The following SMC2 variants were observed in gnomAD, a reference collection of about 807,000 sequenced individuals.
SMC2 encodes structural maintenance of chromosomes 2.
In SMC2, 41 loss-of-function variants were observed where a neutral mutation model predicts 142.6. The ratio of observed to expected loss-of-function variants is 0.29; its 90% CI spans 0.22 to 0.37. The LOEUF (loss-of-function observed/expected upper bound fraction) is 0.37. SMC2 is among the 10% of genes least tolerant of loss of function. SMC2 has a pLI of 1.00. For missense variants in SMC2, 1,265 were observed against 1,373.7 expected (o/e 0.92, Z 1.25); for synonymous variants, 463 against 457.5 (o/e 1.01, Z -0.15).
At chr9:104,124,416 G>A (rs1834047585) in intron 17 of SMC2, among the ~76,000 whole-genome samples, 2 of 152,034 alleles carry the variant, frequency 1.3e-5, no homozygotes, top group African/African-American at 4.8e-5. Context: ...ATTTGGGGAT[G>A]TTTTTCCTTT....
At chr9:104,126,914 C>A in intron 19 of SMC2, 130 bp downstream of exon 19, 1 of 926,048 alleles carries the variant, frequency 1.1e-6, no homozygotes, top group Non-Finnish European at 1.6e-6. Context: ...GCACAAATAG[C>A]TTTTACTCAT....
Position 104,111,609 on chromosome 9 carries a change from A to G in SMC2, c.1049A>G (p.Lys350Arg). 1.9e-6 allele frequency: 3 copies of G among 1,613,612 alleles called. No individual in the cohort carries two copies. Among genetic ancestry groups the G allele is most frequent in the Non-Finnish European group, 2.5e-6 (3 of 1,179,790 alleles). ...EDSKTLAAKE[K>R]EVKKITDGLH... ...TCAAAAACTTTAGCAGCAAAGGAAA[A>G]AGAGGTTAAAAAGATAACAGATGGA... is the stretch of plus-strand genomic sequence containing the variant. Residue 350 changes from lysine to arginine, a missense_variant, in exon 10 of 25, where the codon AAA becomes AGA. Coordinates refer to ENST00000374793, the MANE Select transcript of SMC2 (RefSeq NM_006444.3).
At chr9:104,131,843 GTA>G (rs1835010066) in intron 21 of SMC2, among the ~76,000 whole-genome samples, 164 bp from the exon 22 acceptor site, 1 of 151,782 alleles carries the variant, frequency 6.6e-6, no homozygotes, top group Non-Finnish European at 1.5e-5. Flanking sequence ...TACAGTATAT[GTA>G]TAGTATATGA....
chr9:104,108,192 G>A (rs1832027887), intron 9 of SMC2, among the ~76,000 whole-genome samples: 1 of 152,096 alleles, frequency 6.6e-6, no homozygotes, highest in Non-Finnish European at 1.5e-5. Context: ...TTTTCCCTAG[G>A]AAAACTGGAA....
At chr9:104,126,949 C>T (rs746698806) in intron 19 of SMC2, among the ~76,000 whole-genome samples, 165 bp downstream of exon 19, 13 of 152,174 alleles carry the variant, frequency 8.5e-5, no homozygotes, top group Non-Finnish European at 1.8e-4. Context: ...TTTGGGATCA[C>T]ATAGGTCAGT....
chr9:104,095,227 T>A (rs951569483), intron 1 of SMC2, 97 bp from the exon 2 acceptor site: 2 of 585,682 alleles, frequency 3.4e-6, no homozygotes, highest in African/African-American at 3.7e-5. Flanking sequence ...AGTGGCTGTT[T>A]TATTTCTATC....
rs1830961996 is a variant in SMC2 at position 104,100,312 on chromosome 9, A to G, written c.592-77A>G. On this transcript the variant is annotated intron_variant, in intron 6 of 24. Transcript: ENST00000374793. ...TTCCTTGGTTCAGTTTTCCATAGTC[A>G]TCCCTGCTACTTCTCTTTCAAATAA... 5.7e-6 allele frequency: 8 copies of G among 1,404,138 alleles called. 1 individual carries two copies. Among genetic ancestry groups the G allele is most frequent in the South Asian group, 2.5e-5 (2 of 81,196 alleles). 87.0% of individuals were successfully genotyped at this position (1,404,138 alleles called of 1,614,324 possible). A position where few individuals can be genotyped will look rare whatever the true frequency, so the allele number is the denominator to read the frequency against.
chr9:104,095,621 C>T lies in SMC2; in HGVS notation c.168+69C>T, dbSNP rs1412606904. Reference sequence around the variant, plus strand: ...GAGAATCCTCACTGAACTTTGGAGACGTCCCGATATTCTCTTCATTTGTGT... The same window carrying T: ...GAGAATCCTCACTGAACTTTGGAGATGTCCCGATATTCTCTTCATTTGTGT... On this transcript the variant is annotated intron_variant, in intron 2 of 24. Coordinates refer to ENST00000374793, the MANE Select transcript of SMC2 (RefSeq NM_006444.3). 4 of 1,240,192 alleles carry T rather than the reference C, an allele frequency of 3.2e-6. No individual in the cohort carries two copies. In the Admixed American group the frequency reaches 5.7e-5, roughly 18 times the overall value. The allele number at this position is 1,240,192 out of a possible 1,614,324, so 76.8% of individuals were successfully genotyped here.
chr9:104,104,584 T>G (rs1831536076), intron 9 of SMC2, among the ~76,000 whole-genome samples: 1 of 152,220 alleles, frequency 6.6e-6, no homozygotes, highest in African/African-American at 2.4e-5. Context: ...ATTGCCTCCC[T>G]TTCTTGGGAT....
At position 104,094,471 on chromosome 9, in the gene SMC2, G is replaced by A; in HGVS notation, c.-68G>A. 1 of 398,014 alleles carries A rather than the reference G, an allele frequency of 2.5e-6. No individual in the cohort carries two copies. Among genetic ancestry groups the A allele is most frequent in the Middle Eastern group, 6.3e-4 (1 of 1,580 alleles). The allele number at this position is 398,014 out of a possible 1,614,324, so 24.7% of individuals were successfully genotyped here. On this transcript the variant is annotated 5_prime_UTR_variant, in exon 1 of 25. Coordinates refer to ENST00000374793, the MANE Select transcript of SMC2 (RefSeq NM_006444.3). ...GGGGTGCGTCAAGCCCCTGGCCTGA[G>A]GCAGCGGTGAGGCGTGTGCGTGAGC...
At chr9:104,134,003 G>GA (rs1835258507) in intron 22 of SMC2, among the ~76,000 whole-genome samples, 1 of 151,702 alleles carries the variant, frequency 6.6e-6, no homozygotes, top group South Asian at 2.1e-4. Flanking sequence ...TCTATTTTGT[G>GA]TTTTTTTTCC....
Position 104,121,785 on chromosome 9 carries a change from G to T in SMC2, c.2133-1323G>T, listed in dbSNP as rs143152327. ...AGAGATATAAATTGAATCAGAATTT[G>T]TCTTTTTCTTTTTTTTTGAGACGGA... On this transcript the variant is annotated intron_variant, in intron 16 of 24. Transcript: ENST00000374793. Among the ~76,000 whole-genome samples the T allele has an allele frequency of 4.6e-5, 7 of 152,096 alleles. No individual in the cohort carries two copies. The East Asian group carries it at 1.4e-3, about 29-fold the overall frequency.
rs990936524 is a variant in SMC2 at position 104,140,287 on chromosome 9, G to T, written c.*972G>T. On this transcript the variant is annotated 3_prime_UTR_variant, in exon 25 of 25. Coordinates refer to ENST00000374793, the MANE Select transcript of SMC2 (RefSeq NM_006444.3). ...AAAGTTGGATGATTATTTGTCTTCC[G>T]CTTTCCAGTTCAAAGGGATGAAATT... 2 of 151,970 alleles carry T rather than the reference G, an allele frequency of 1.3e-5. No homozygotes were observed. Among genetic ancestry groups the T allele is most frequent in the African/African-American group, 4.8e-5 (2 of 41,398 alleles). The allele number at this position is 151,970 out of a possible 1,614,324, so 9.4% of individuals were successfully genotyped here.
At chr9:104,095,814 G>A (rs1162029556) in intron 2 of SMC2, among the ~76,000 whole-genome samples, 1 of 152,188 alleles carries the variant, frequency 6.6e-6, no homozygotes, top group Non-Finnish European at 1.5e-5. Flanking sequence ...TCAACCCTGT[G>A]TAATGATGCC....
chr9:104,134,910 CAG>C (rs576173157), intron 23 of SMC2, among the ~76,000 whole-genome samples: 155 of 152,212 alleles, frequency 1.0e-3, no homozygotes, highest in African/African-American at 3.6e-3. Flanking sequence ...GTTGCCTAAA[CAG>C]AGGTCAGTAG....
At chr9:104,088,858 C>T in the SMC2 span, among the ~76,000 whole-genome samples, 3 of 152,072 alleles carry the variant, frequency 2.0e-5, no homozygotes, top group Non-Finnish European at 2.9e-5. Context: ...GCACATAACA[C>T]AATTCTTGGC....
intron 24 of SMC2, 101 bp downstream of exon 24, chr9:104,138,266 G>A (rs746877966): frequency 1.2e-4 from 115 of 922,626 alleles, no homozygotes; most frequent in Non-Finnish European, 1.7e-4. Context: ...ATTTAGGGTT[G>A]ATAAATACTA....
At chr9:104,098,403 T>C in intron 3 of SMC2, 43 bp from the exon 4 acceptor site, 7 of 1,502,880 alleles carry the variant, frequency 4.7e-6, no homozygotes, top group Non-Finnish European at 6.3e-6. Context: ...TAGCACAAGG[T>C]GTGCATGTAC....
intron 10 of SMC2, among the ~76,000 whole-genome samples, chr9:104,112,612 A>G (rs1453489141): frequency 6.6e-6 from 1 of 152,166 alleles, no homozygotes; most frequent in Non-Finnish European, 1.5e-5. Flanking sequence ...CAATAGTAGA[A>G]AAGCTTTAAA....
Sources: gnomAD v4.1 joint callset for allele counts (sites outside exome capture counted in the v4.1 genomes callset) on GRCh38, gnomAD v4.1.1 for gene constraint, MANE v1.5 for transcripts, NCBI Gene and HGNC (gene_info 2026-07-23, HGNC 2026-07-21) for gene names.